The following IMMP2L variants were observed in gnomAD, a reference collection of about 807,000 sequenced individuals.
IMMP2L encodes mitochondrial inner membrane protease subunit 2.
A neutral mutation model predicts 19.3 loss-of-function variants in IMMP2L; 18 were observed. The observed-to-expected ratio is 0.93, with a 90% confidence interval of 0.64 to 1.38. The LOEUF (loss-of-function observed/expected upper bound fraction) is 1.38. Among genes scored for constraint, IMMP2L ranks in the 40% most tolerant of loss-of-function variants. The pLI is 0.00. For missense variants in IMMP2L, 233 were observed against 218.2 expected (o/e 1.07, Z -0.43); for synonymous variants, 76 against 73.0 (o/e 1.04, Z -0.21).
intron 3 of IMMP2L, among the ~76,000 whole-genome samples, chr7:111,054,898 G>T (rs1418204412): frequency 6.6e-6 from 1 of 152,056 alleles, no homozygotes; most frequent in Non-Finnish European, 1.5e-5. Context: ...AAAGTTACAG[G>T]CTCAATCTAT....
Position 111,213,938 on chromosome 7 carries a change from A to G in IMMP2L, c.240-250373T>C, listed in dbSNP as rs925083710. Among the ~76,000 whole-genome samples, 1 of 152,202 alleles carries G rather than the reference A, an allele frequency of 6.6e-6. No individual in the cohort carries two copies. The highest frequency in any genetic ancestry group is 2.4e-5 in the African/African-American group (1 of 41,446). ...AAGATAAAAGGTGATTTAAAAAAAT[A>G]AGACCCAAGTCACATGAATAGTGAA... On this transcript the variant is annotated intron_variant, in intron 3 of 5. Coordinates refer to ENST00000405709, the MANE Select transcript of IMMP2L (RefSeq NM_032549.4). The surrounding 1 kb of genome is among the most constrained non-coding windows in gnomAD (Gnocchi z 4.8).
At chr7:111,370,937 T>C (rs1448089983) in intron 3 of IMMP2L, among the ~76,000 whole-genome samples, 1 of 151,950 alleles carries the variant, frequency 6.6e-6, no homozygotes, top group African/African-American at 2.4e-5. Flanking sequence ...TTCAGCCTCA[T>C]TTTAGGCTAT....
At chr7:111,466,068 G>A (rs538664746) in intron 3 of IMMP2L, among the ~76,000 whole-genome samples, 10 of 152,098 alleles carry the variant, frequency 6.6e-5, no homozygotes, top group African/African-American at 1.4e-4. Context: ...GCAAACTATC[G>A]CAAGGACAAA....
chr7:111,314,835 T>C (rs1462691593), intron 3 of IMMP2L, among the ~76,000 whole-genome samples: 2 of 152,296 alleles, frequency 1.3e-5, no homozygotes, highest in East Asian at 1.9e-4. Context: ...TGGAGACCTA[T>C]GGAATATAAT....
Position 110,789,478 on chromosome 7 carries a change from A to G in IMMP2L, c.408+97115T>C, listed in dbSNP as rs200794112. Among the ~76,000 whole-genome samples, 34 of 151,734 alleles carry G rather than the reference A, an allele frequency of 2.2e-4. No individual in the cohort carries two copies. The East Asian group carries it at 6.6e-3, about 30-fold the overall frequency. On this transcript the variant is annotated intron_variant, in intron 5 of 5. Coordinates refer to ENST00000405709, the MANE Select transcript of IMMP2L (RefSeq NM_032549.4). The stretch of plus-strand genomic sequence containing the variant: ...ATCCAGGATCCTACGACTTCATACC[A>G]TCATATCTTTTGTCTGGACTATTGC...
chr7:111,268,717 TC>T (rs1309358797), intron 3 of IMMP2L, among the ~76,000 whole-genome samples: 2 of 150,344 alleles, frequency 1.3e-5, no homozygotes, highest in Non-Finnish European at 3.0e-5. Context: ...CACCAGCCTT[TC>T]CAATAGCTGG....
intron 3 of IMMP2L, among the ~76,000 whole-genome samples, chr7:111,125,932 C>T (rs192654074): frequency 2.7e-4 from 41 of 150,168 alleles, no homozygotes; most frequent in African/African-American, 9.5e-4. Context: ...AAGCAATTCT[C>T]CTGCCTCAAC....
chr7:111,284,854 A>G (rs1273173059), intron 3 of IMMP2L, among the ~76,000 whole-genome samples: 1 of 152,178 alleles, frequency 6.6e-6, no homozygotes, highest in Non-Finnish European at 1.5e-5. Context: ...ATACAGGAAA[A>G]CACACTCACT....
At chr7:111,317,249 A>G (rs535033431) in intron 3 of IMMP2L, among the ~76,000 whole-genome samples, 1 of 152,168 alleles carries the variant, frequency 6.6e-6, no homozygotes, top group South Asian at 2.1e-4. Flanking sequence ...GGCCTACCTC[A>G]TTTCATTCAA....
chr7:111,401,274 T>A (rs1221644971), intron 3 of IMMP2L, among the ~76,000 whole-genome samples: 4 of 152,158 alleles, frequency 2.6e-5, no homozygotes, highest in Non-Finnish European at 5.9e-5. Context: ...GTATTTTAAC[T>A]CAAACATTTT....
chr7:111,414,846 A>G (rs1834812313), intron 3 of IMMP2L, among the ~76,000 whole-genome samples: 1 of 151,650 alleles, frequency 6.6e-6, no homozygotes, highest in Admixed American at 6.6e-5. Context: ...ACATTTTCAA[A>G]TTTTCCCATA....
At chr7:110,935,094 A>C (rs1228263374) in intron 4 of IMMP2L, among the ~76,000 whole-genome samples, 1 of 152,046 alleles carries the variant, frequency 6.6e-6, no homozygotes, top group African/African-American at 2.4e-5. Flanking sequence ...CATAGTGTTG[A>C]TGGTCTTTAC....
chr7:110,786,985 C>T (rs2131119934), intron 5 of IMMP2L, among the ~76,000 whole-genome samples: 2 of 151,990 alleles, frequency 1.3e-5, no homozygotes, highest in Middle Eastern at 3.4e-3. Context: ...ATATTCCACA[C>T]AATAGTATTC....
chr7:110,867,202 T>C (rs1432249333), intron 5 of IMMP2L, among the ~76,000 whole-genome samples: 2 of 152,110 alleles, frequency 1.3e-5, no homozygotes, highest in Middle Eastern at 3.4e-3. Flanking sequence ...GGTTAGGTTC[T>C]GGTGAGGGCT....
At chr7:111,044,706 C>T (rs553174798) in intron 3 of IMMP2L, among the ~76,000 whole-genome samples, 12 of 152,232 alleles carry the variant, frequency 7.9e-5, no homozygotes, top group South Asian at 4.1e-4. Context: ...ACAACACTAA[C>T]GCAAAAATGG....
chr7:110,963,056 T>C, intron 4 of IMMP2L: 1 of 1,526,820 alleles, frequency 6.5e-7, no homozygotes, highest in Non-Finnish European at 8.8e-7. Flanking sequence ...ATTCGGAAGT[T>C]TCTGTTTCAT....
intron 4 of IMMP2L, among the ~76,000 whole-genome samples, chr7:110,932,899 T>A (rs111286040): frequency 2.0e-5 from 3 of 152,280 alleles, no homozygotes; most frequent in African/African-American, 4.8e-5. Context: ...GCGAGCATGA[T>A]ATATGACCAT....
chr7:110,852,783 TAGAG>T (rs1183242876), intron 5 of IMMP2L, among the ~76,000 whole-genome samples: 1 of 151,982 alleles, frequency 6.6e-6, no homozygotes, highest in Non-Finnish European at 1.5e-5. Flanking sequence ...CCCGGCCACA[TAGAG>T]AGCCCAAGTG....
chr7:111,229,431 T>G (rs560363536), intron 3 of IMMP2L, among the ~76,000 whole-genome samples: 1 of 152,042 alleles, frequency 6.6e-6, no homozygotes, highest in East Asian at 1.9e-4. Flanking sequence ...AATCAGGTGA[T>G]CAAGGTAATT....
Sources: allele counts gnomAD v4.1 joint callset (sites outside exome capture counted in the v4.1 genomes callset), GRCh38; gene constraint gnomAD v4.1.1; non-coding constraint Gnocchi (gnomAD v3.1); transcripts MANE v1.5; gene names NCBI Gene and HGNC (gene_info 2026-07-23, HGNC 2026-07-21).